SBF2: variants seen among roughly 807,000 people sequenced by gnomAD.
SBF2 encodes the protein myotubularin-related protein 13.
A neutral mutation model predicts 225.2 loss-of-function variants in SBF2; 112 were observed. The ratio of observed to expected loss-of-function variants is 0.50; its 90% CI spans 0.43 to 0.58. The LOEUF (loss-of-function observed/expected upper bound fraction) is 0.58. SBF2 is among the 20% of genes least tolerant of loss of function. SBF2 has a pLI of 0.00. For missense variants in SBF2, 1,996 were observed against 2,206.2 expected, an observed-to-expected ratio of 0.90 and a Z score of 1.91; for synonymous variants, 763 against 773.3, an observed-to-expected ratio of 0.99 and a Z score of 0.22.
At chr11:10,270,722 G>A (rs959085143) in intron 1 of SBF2, among the ~76,000 whole-genome samples, 7 of 152,008 alleles carry the variant, frequency 4.6e-5, no homozygotes, top group Non-Finnish European at 5.9e-5. Flanking sequence ...GGACGGGCGC[G>A]GTGGCTCACG....
At chr11:10,239,666 A>C (rs1959181513) in intron 1 of SBF2, among the ~76,000 whole-genome samples, 1 of 140,744 alleles carries the variant, frequency 7.1e-6, no homozygotes, top group South Asian at 2.5e-4. Context: ...CTGCACATAA[A>C]ATAAAAATAC....
At chr11:9,997,495 T>G (rs1044346355) in intron 9 of SBF2, among the ~76,000 whole-genome samples, 3 of 152,204 alleles carry the variant, frequency 2.0e-5, no homozygotes, top group Admixed American at 1.3e-4. Context: ...AATGGAATGT[T>G]GGGCCGGGCG....
intron 1 of SBF2, among the ~76,000 whole-genome samples, chr11:10,276,777 T>G (rs924238984): frequency 6.6e-6 from 1 of 152,152 alleles, no homozygotes; most frequent in Non-Finnish European, 1.5e-5. Flanking sequence ...TGATAGTCTC[T>G]GCTTGTAAAA....
intron 1 of SBF2, among the ~76,000 whole-genome samples, chr11:10,272,582 G>C (rs1962584230): frequency 6.6e-6 from 1 of 152,088 alleles, no homozygotes; most frequent in African/African-American, 2.4e-5. Flanking sequence ...GACCAGCCAG[G>C]GCAACACGGC....
At chr11:10,243,560 C>T (rs980408228) in intron 1 of SBF2, among the ~76,000 whole-genome samples, 3 of 151,182 alleles carry the variant, frequency 2.0e-5, no homozygotes, top group African/African-American at 7.3e-5. Context: ...TTGGAAAACC[C>T]TTAGCTAGAC....
chr11:9,784,980 T>C lies in SBF2; in HGVS notation c.5231+145A>G, dbSNP rs999479929. On this transcript the variant is annotated intron_variant, in intron 37 of 39. Transcript: ENST00000256190. ...TTTTTTGTCTTTTCAAAGAAACATC[T>C]AAAACATTACAAAAATTAAAGCAAA... is the stretch of plus-strand genomic sequence containing the variant. 4 of 794,922 alleles carry C rather than the reference T, an allele frequency of 5.0e-6. No homozygotes were observed. The African/African-American group carries it at 5.1e-5, about 10-fold the overall frequency. The allele number at this position is 794,922 out of a possible 1,614,324, so 49.2% of individuals were successfully genotyped here.
chr11:10,065,951 C>A (rs546024377), intron 2 of SBF2, among the ~76,000 whole-genome samples: 21 of 151,994 alleles, frequency 1.4e-4, no homozygotes, highest in African/African-American at 5.1e-4. Flanking sequence ...CCTTCTCAAA[C>A]AACAAACAAA....
rs191256826 is a variant in SBF2 at position 9,963,280 on chromosome 11, C to T, written c.1710+493G>A. 3.5e-3 allele frequency among the ~76,000 whole-genome samples: 532 copies of T among 152,142 alleles called. 2 individuals carry two copies. The highest frequency in any genetic ancestry group is 0.013 in the African/African-American group (522 of 41,474). On this transcript the variant is annotated intron_variant, in intron 15 of 39. Transcript: ENST00000256190. ...AGGAGTTCAAGACCAGTCTGGCCAACATGGTGAAACCCCATCTTTACTAAA... is the reference window on the plus strand; with the variant it reads ...AGGAGTTCAAGACCAGTCTGGCCAATATGGTGAAACCCCATCTTTACTAAA...
rs1555073581 is a variant in SBF2, at chr11:10,196,866, A to ATTTTTTTTT, written c.56-2888_56-2880dup. On this transcript the variant is annotated intron_variant, in intron 1 of 39. Transcript: ENST00000256190. Reference sequence around the variant, plus strand: ...TATATATATATATATATATATATATATTTTTTTTTTCCTACAAAATGAATA... The same window carrying ATTTTTTTTT: ...TATATATATATATATATATATATATATTTTTTTTTTTTTTTTTTTCCTACAAAATGAATA... 7.2e-4 allele frequency among the ~76,000 whole-genome samples: 71 copies of ATTTTTTTTT among 99,254 alleles called. 3 individuals carry two copies. Among genetic ancestry groups the ATTTTTTTTT allele is most frequent in the Middle Eastern group, 7.0e-3 (1 of 142 alleles). The allele number at this position is 99,254 out of a possible 152,430, so 65.1% of individuals were successfully genotyped here. A position where few individuals can be genotyped will look rare whatever the true frequency, so the allele number is the denominator to read the frequency against.
At chr11:10,117,459 A>G (rs1395074218) in intron 2 of SBF2, among the ~76,000 whole-genome samples, 1 of 151,744 alleles carries the variant, frequency 6.6e-6, no homozygotes, top group Non-Finnish European at 1.5e-5. Context: ...AAAAAAAAAA[A>G]AAGATATGTA....
At chr11:9,827,019 G>A (rs1271481839) in intron 28 of SBF2, among the ~76,000 whole-genome samples, 2 of 152,114 alleles carry the variant, frequency 1.3e-5, no homozygotes, top group African/African-American at 4.8e-5. Flanking sequence ...AGTATTTTTA[G>A]TAGAGACAGG....
intron 16 of SBF2, among the ~76,000 whole-genome samples, chr11:9,937,682 T>C (rs1330792254): frequency 3.3e-5 from 5 of 152,100 alleles, no homozygotes; most frequent in Non-Finnish European, 7.4e-5. Flanking sequence ...TATAAAACTT[T>C]CTTTTGAATT....
chr11:9,953,560 T>C (rs1289352130), intron 16 of SBF2, among the ~76,000 whole-genome samples: 1 of 152,228 alleles, frequency 6.6e-6, no homozygotes, highest in African/African-American at 2.4e-5. Flanking sequence ...GAGACTATTA[T>C]TCTAAGTAAA....
At chr11:10,143,270 C>CA (rs944312010) in intron 2 of SBF2, among the ~76,000 whole-genome samples, 1 of 152,036 alleles carries the variant, frequency 6.6e-6, no homozygotes, top group Non-Finnish European at 1.5e-5. Flanking sequence ...CTCCTGGGTT[C>CA]AAGCGATTCT....
At position 9,779,296 on chromosome 11, in the gene SBF2, A is replaced by G. The variant is rs971669686; in HGVS notation, c.*1122T>C. 3 of 152,670 alleles carry G rather than the reference A, an allele frequency of 2.0e-5. No individual in the cohort carries two copies. Among genetic ancestry groups the G allele is most frequent in the Non-Finnish European group, 4.4e-5 (3 of 68,048 alleles). The allele number at this position is 152,670 out of a possible 1,614,324, so 9.5% of individuals were successfully genotyped here. ...TATTAGTTTAGTATTTAACATATTA[A>G]CATTTCAAAACAAATGCAATGATCT... On this transcript the variant is annotated 3_prime_UTR_variant, in exon 40 of 40. Transcript: ENST00000256190.
At position 10,031,109 on chromosome 11, in the gene SBF2, T is replaced by G; in HGVS notation, c.341A>C (p.Glu114Ala). The G allele has an allele frequency of 6.2e-7, 1 of 1,613,646 alleles. No individual in the cohort carries two copies. Among genetic ancestry groups the G allele is most frequent in the Non-Finnish European group, 8.5e-7 (1 of 1,179,690 alleles). The change falls in exon 4 of 40, where the codon GAA (glutamate) becomes GCA (alanine). Residue 114 changes from glutamate to alanine, a missense_variant. Coordinates refer to ENST00000256190, the MANE Select transcript of SBF2 (RefSeq NM_030962.4). ...AKVSGLIQPA[E>A]VFAPKSLVLV... ...CACCAGGCTTTTGGGAGCAAACACTTCTGCAGGCTGAATTAAACCAGACAC... is the reference window on the plus strand; with the variant it reads ...CACCAGGCTTTTGGGAGCAAACACTGCTGCAGGCTGAATTAAACCAGACAC...
chr11:10,062,404 C>T (rs772903897), intron 2 of SBF2, among the ~76,000 whole-genome samples: 6 of 152,074 alleles, frequency 3.9e-5, no homozygotes, highest in Non-Finnish European at 7.4e-5. Context: ...TAAAGAGAAG[C>T]CTACAGACTG....
At chr11:10,032,161 C>T (rs1949284949) in intron 3 of SBF2, among the ~76,000 whole-genome samples, 1 of 152,178 alleles carries the variant, frequency 6.6e-6, no homozygotes, top group Admixed American at 6.5e-5. Context: ...ATAAAAAACG[C>T]TTAAAACAAT....
chr11:9,847,160 A>G, intron 22 of SBF2, 77 bp from the exon 23 acceptor site: 1 of 1,546,040 alleles, frequency 6.5e-7, no homozygotes, highest in Non-Finnish European at 8.9e-7. Context: ...TTACTTCATC[A>G]GTCTCTGCTA....
Sources: allele counts gnomAD v4.1 joint callset (sites outside exome capture counted in the v4.1 genomes callset), GRCh38; gene constraint gnomAD v4.1.1; transcripts MANE v1.5; gene names NCBI Gene and HGNC (gene_info 2026-07-23, HGNC 2026-07-21).